Variants in CRISPLD2 observed in about 807,000 individuals in gnomAD.
CRISPLD2 encodes the protein cysteine-rich secretory protein LCCL domain-containing 2.
In CRISPLD2, 47 loss-of-function variants were observed where a neutral mutation model predicts 71.1. The observed-to-expected ratio is 0.66, with a 90% CI of 0.52 to 0.84. The LOEUF (loss-of-function observed/expected upper bound fraction) is 0.84. Ranked by LOEUF, CRISPLD2 falls within the 40% of genes least tolerant of loss-of-function variation. The probability of loss-of-function intolerance (pLI) is 0.00; values close to 1 mark genes in which losing one functional copy is unlikely to be tolerated. For missense variants in CRISPLD2, 830 were observed against 651.1 expected, an observed-to-expected ratio of 1.27 and a Z score of -2.99; for synonymous variants, 317 against 250.1, an observed-to-expected ratio of 1.27 and a Z score of -2.52.
chr16:84,836,133 C>T (rs1170619004), intron 1 of CRISPLD2: 1 of 152,176 alleles, frequency 6.6e-6, no homozygotes, highest in African/African-American at 2.4e-5. Context: ...CTTCAGGCTA[C>T]ATGTATAAGG....
chr16:84,861,068 A>G (rs1319911671), intron 6 of CRISPLD2, among the ~76,000 whole-genome samples: 2 of 152,184 alleles, frequency 1.3e-5, no homozygotes, highest in African/African-American at 4.8e-5. Context: ...CCCTCTCAGG[A>G]GCGCTGAATC....
rs775969109 is a variant in CRISPLD2, at chr16:84,854,771, C to G, written c.651C>G (p.Pro217=). 3.0e-5 allele frequency: 49 copies of G among 1,614,092 alleles called. No individual in the cohort carries two copies. Among genetic ancestry groups the G allele is most frequent in the African/African-American group, 4.0e-5 (3 of 74,926 alleles). ...AAGCCCCCTACAAGAATGGCCGGCC[C>G]TGCTCTGAGTGCCCACCCAGCTATG... ...IGEAPYKNGR[P]CSECPPSYGG... The change falls in exon 6 of 15, where the codon CCC becomes CCG. Residue 217 remains proline, a synonymous_variant. Coordinates refer to ENST00000262424, the MANE Select transcript of CRISPLD2 (RefSeq NM_031476.4).
rs962513629 is a variant in CRISPLD2 at position 84,866,830 on chromosome 16, T to C, written c.710-67T>C. The C allele has an allele frequency of 2.1e-5, 31 of 1,506,314 alleles. No homozygotes were observed. The African/African-American group carries it at 3.8e-4, about 18-fold the overall frequency. 93.3% of individuals were successfully genotyped at this position (1,506,314 alleles called of 1,614,324 possible). ...ACGTTTAGTTTTCAAATTGCTTTTT[T>C]TTCCCCAAAGTGCGTTTTTGTTGAA... On this transcript the variant is annotated intron_variant, in intron 6 of 14. Coordinates refer to ENST00000262424, the MANE Select transcript of CRISPLD2 (RefSeq NM_031476.4).
In CRISPLD2 at chr16:84,908,814, A is replaced by G; in HGVS notation, c.*2172A>G. The G allele has an allele frequency of 6.6e-6, 1 of 151,004 alleles. No homozygotes were observed. Among genetic ancestry groups the G allele is most frequent in the East Asian group, 1.9e-4 (1 of 5,154 alleles). The allele number at this position is 151,004 out of a possible 1,614,324, so 9.4% of individuals were successfully genotyped here. A position where few individuals can be genotyped will look rare whatever the true frequency, so the allele number is the denominator to read the frequency against. On this transcript the variant is annotated 3_prime_UTR_variant, in exon 15 of 15. Transcript: ENST00000262424. ...AGCAATTCTCATGCATCAGCCTCCC[A>G]AGTACCTGGGACTACAGGCGTGAGC...
At position 84,906,568 on chromosome 16, in the gene CRISPLD2, CTCTT is replaced by C. The variant is rs769815080; in HGVS notation, c.1440-15_1440-12del. 60 of 1,612,004 alleles carry C rather than the reference CTCTT, an allele frequency of 3.7e-5. 1 individual carries two copies. Among genetic ancestry groups the C allele is most frequent in the Non-Finnish European group, 4.6e-5 (54 of 1,179,970 alleles). The stretch of plus-strand genomic sequence containing the variant: ...CCTCCAGATCTCTCAGTAACGGGCC[CTCTT>C]TCTTCTTTTTTTCAGCCTGGGGACT... On this transcript the variant is annotated splice_polypyrimidine_tract_variant and intron_variant, in intron 14 of 14. Coordinates refer to ENST00000262424, the MANE Select transcript of CRISPLD2 (RefSeq NM_031476.4).
chr16:84,878,563 C>T (rs927480247), intron 12 of CRISPLD2, among the ~76,000 whole-genome samples: 27 of 152,322 alleles, frequency 1.8e-4, no homozygotes, highest in South Asian at 1.0e-3. Context: ...TACGTGACAA[C>T]GGGTTTGTCC....
At chr16:84,845,338 G>T (rs1422266063) in intron 2 of CRISPLD2, among the ~76,000 whole-genome samples, 3 of 152,188 alleles carry the variant, frequency 2.0e-5, no homozygotes, top group African/African-American at 7.2e-5. Flanking sequence ...GGTGTGCCTG[G>T]ATCATGCGTA....
chr16:84,869,539 G>C (rs928553254), intron 8 of CRISPLD2, among the ~76,000 whole-genome samples: 1 of 152,266 alleles, frequency 6.6e-6, no homozygotes, highest in Non-Finnish European at 1.5e-5. Context: ...TGGCAGGACT[G>C]TGATGAGATG....
intron 14 of CRISPLD2, among the ~76,000 whole-genome samples, chr16:84,892,823 G>C (rs1175668942): frequency 1.3e-5 from 2 of 151,478 alleles, no homozygotes; most frequent in Non-Finnish European, 1.5e-5. Context: ...TAAAAATACA[G>C]AAATTAGCTG....
chr16:84,847,467 T>C (rs543364850), intron 3 of CRISPLD2, among the ~76,000 whole-genome samples: 80 of 152,136 alleles, frequency 5.3e-4, no homozygotes, highest in South Asian at 2.1e-4. Context: ...CTGGCCAACA[T>C]AGTGAAACCC....
intron 1 of CRISPLD2, among the ~76,000 whole-genome samples, chr16:84,835,447 A>AGATCC (rs1404020858): frequency 6.6e-6 from 1 of 152,130 alleles, no homozygotes; most frequent in Non-Finnish European, 1.5e-5. Context: ...AGTAGGAGCC[A>AGATCC]TCCAGATCTG....
rs879193767 is a variant in CRISPLD2 at position 84,880,375 on chromosome 16, T to C, written c.1230-134T>C. ...GGGGGGAGAAGTATTGTTTTTTTTC[T>C]TAATGAGGAAAACTGTATGGCGGTT... On this transcript the variant is annotated intron_variant, in intron 12 of 14. Coordinates refer to ENST00000262424, the MANE Select transcript of CRISPLD2 (RefSeq NM_031476.4). 5.5e-5 allele frequency: 35 copies of C among 636,204 alleles called. No individual in the cohort carries two copies. The South Asian group carries it at 9.5e-4, about 17-fold the overall frequency. The allele number at this position is 636,204 out of a possible 1,614,324, so 39.4% of individuals were successfully genotyped here.
chr16:84,831,514 C>T (rs1365194578), intron 1 of CRISPLD2, among the ~76,000 whole-genome samples: 8 of 151,304 alleles, frequency 5.3e-5, no homozygotes. Context: ...CCGTCTCAGC[C>T]CCTCCACGAG....
intron 14 of CRISPLD2, among the ~76,000 whole-genome samples, chr16:84,901,041 A>G (rs946674063): frequency 1.3e-4 from 18 of 140,156 alleles, no homozygotes; most frequent in African/African-American, 3.8e-4. Context: ...ACACACACAC[A>G]CACGCAAAAA....
chr16:84,843,518 C>A (rs766085841), intron 2 of CRISPLD2, among the ~76,000 whole-genome samples: 3 of 152,192 alleles, frequency 2.0e-5, no homozygotes, highest in Non-Finnish European at 2.9e-5. Context: ...CTGTCACTGG[C>A]CAGCTTTGTG....
rs934837634 is a variant in CRISPLD2 at position 84,850,603 on chromosome 16, T to C, written c.528T>C (p.Ala176=). 1 of 1,614,200 alleles carries C rather than the reference T, an allele frequency of 6.2e-7. No homozygotes were observed. The highest frequency in any genetic ancestry group is 8.5e-7 in the Non-Finnish European group (1 of 1,180,044). The change falls in exon 5 of 15, where the codon GCT becomes GCC. Residue 176 remains alanine, a synonymous_variant. Coordinates refer to ENST00000262424, the MANE Select transcript of CRISPLD2 (RefSeq NM_031476.4). The stretch of plus-strand genomic sequence containing the variant: ...CCACCACCAACAAGATCGGTTGTGC[T>C]GTGAACACCTGCCGGAAGATGACTG... ...VWATTNKIGC[A]VNTCRKMTVW...
At chr16:84,822,320 C>G (rs1479264878) in intron 1 of CRISPLD2, among the ~76,000 whole-genome samples, 1 of 152,220 alleles carries the variant, frequency 6.6e-6, no homozygotes, top group Non-Finnish European at 1.5e-5. Context: ...CACTTCATCC[C>G]TCAAAAGACC....
rs188970242 is a variant in CRISPLD2, at chr16:84,869,151, C to T, written c.914+240C>T. ...AGCAGGCTGCTCCCAGTGGGCCCCA[C>T]CAGACAGATGGGCCACCGGTATATT... On this transcript the variant is annotated intron_variant, in intron 8 of 14. Coordinates refer to ENST00000262424, the MANE Select transcript of CRISPLD2 (RefSeq NM_031476.4). 2.6e-4 allele frequency among the ~76,000 whole-genome samples: 40 copies of T among 152,312 alleles called. No homozygotes were observed. The East Asian group carries it at 7.1e-3, about 27-fold the overall frequency.
At chr16:84,837,065 C>T (rs1029840302) in intron 1 of CRISPLD2, among the ~76,000 whole-genome samples, 2 of 152,234 alleles carry the variant, frequency 1.3e-5, no homozygotes, top group Non-Finnish European at 2.9e-5. Context: ...CAGTCTCCAT[C>T]TCGGAGTCCA....
Sources: allele counts gnomAD v4.1 joint callset (sites outside exome capture counted in the v4.1 genomes callset), GRCh38; gene constraint gnomAD v4.1.1; transcripts MANE v1.5; gene names NCBI Gene and HGNC (gene_info 2026-07-23, HGNC 2026-07-21).